CSF2RB: variants seen among roughly 807,000 people sequenced by gnomAD.
The protein encoded by CSF2RB is cytokine receptor common subunit beta.
Under a neutral mutation model 67.2 loss-of-function variants are expected in CSF2RB, and 22 were observed. The ratio of observed to expected loss-of-function variants is 0.33; its 90% CI spans 0.23 to 0.47. CSF2RB has a LOEUF of 0.47. CSF2RB is among the 20% of genes least tolerant of loss of function. The pLI is 1.00. For synonymous variants in CSF2RB, 507 were observed against 482.9 expected (o/e 1.05, Z -0.65); for missense variants, 1,113 against 1,174.5 (o/e 0.95, Z 0.76).
chr22:36,935,829 G>C, intron 12 of CSF2RB, 142 bp downstream of exon 12: 1 of 924,598 alleles, frequency 1.1e-6, no homozygotes, highest in South Asian at 1.5e-5. Flanking sequence ...TTTGGGAGTG[G>C]GGCCAGCACT....
chr22:36,918,052 C>T (rs1388476763), intron 1 of CSF2RB, among the ~76,000 whole-genome samples: 3 of 152,114 alleles, frequency 2.0e-5, no homozygotes, highest in African/African-American at 7.2e-5. Flanking sequence ...TTCCATTCTC[C>T]ACCCCAGCCT....
At chr22:36,922,479 A>T in intron 2 of CSF2RB, 196 bp downstream of exon 2, 1 of 616,150 alleles carries the variant, frequency 1.6e-6, no homozygotes, top group Admixed American at 2.6e-5. Context: ...TGTCTTGGAA[A>T]GTCCAGCTGA....
chr22:36,924,123 C>A (rs1314493500), intron 3 of CSF2RB, among the ~76,000 whole-genome samples: 1 of 152,008 alleles, frequency 6.6e-6, no homozygotes, highest in Admixed American at 6.5e-5. Flanking sequence ...CCCACCCCTC[C>A]ACCGCCTTCA....
chr22:36,920,595 T>C (rs1199597026), intron 1 of CSF2RB, among the ~76,000 whole-genome samples: 4 of 152,230 alleles, frequency 2.6e-5, no homozygotes, highest in Non-Finnish European at 4.4e-5. Context: ...GATGAGTACA[T>C]TGGTGCAAAG....
chr22:36,930,517 A>G lies in CSF2RB; in HGVS notation c.854+7A>G. On this transcript the variant is annotated splice_region_variant and intron_variant, in intron 7 of 13. Transcript: ENST00000403662. The stretch of plus-strand genomic sequence containing the variant: ...AGCCCAGCCCAGATGCAGGGTGAGC[A>G]TCTTTTTTCTCCATCCCCTCCCCTC... 6.2e-7 allele frequency: 1 copy of G among 1,613,150 alleles called. No individual in the cohort carries two copies. Among genetic ancestry groups the G allele is most frequent in the Admixed American group, 1.7e-5 (1 of 60,004 alleles).
At position 36,939,396 on chromosome 22, in the gene CSF2RB, C is replaced by T; in HGVS notation, c.*894C>T. The T allele has an allele frequency of 1.6e-6, 1 of 625,880 alleles. No homozygotes were observed. Among genetic ancestry groups the T allele is most frequent in the South Asian group, 1.8e-5 (1 of 55,690 alleles). The allele number at this position is 625,880 out of a possible 1,614,324, so 38.8% of individuals were successfully genotyped here. A position where few individuals can be genotyped will look rare whatever the true frequency, so the allele number is the denominator to read the frequency against. ...CCCAAAGGCATATATGCTTTAGGGC[C>T]TTTGGTCCAAATGGCCCGGGTGGCC... is the stretch of plus-strand genomic sequence containing the variant. On this transcript the variant is annotated 3_prime_UTR_variant, in exon 14 of 14. Coordinates refer to ENST00000403662, the MANE Select transcript of CSF2RB (RefSeq NM_000395.3).
At position 36,935,433 on chromosome 22, in the gene CSF2RB, C is replaced by T. The variant is rs367771170; in HGVS notation, c.1398C>T (p.Tyr466=). Residue 466 remains tyrosine, a synonymous_variant, in exon 11 of 14, where the codon TAC becomes TAT. Transcript: ENST00000403662. The part of the protein sequence containing the change: ...VLLALRFCGI[Y]GYRLRRKWEE... The stretch of plus-strand genomic sequence containing the variant: ...TGGCCCTCCGCTTCTGTGGCATCTA[C>T]GGGTACAGGTGAGGGGACTCTGTGG... 5.6e-5 allele frequency: 90 copies of T among 1,614,010 alleles called. No homozygotes were observed. The Admixed American group carries it at 5.7e-4, about 10-fold the overall frequency.
At chr22:36,924,812 GCC>G (rs1029437366) in intron 3 of CSF2RB, among the ~76,000 whole-genome samples, 2 of 152,038 alleles carry the variant, frequency 1.3e-5, no homozygotes, top group Admixed American at 1.3e-4. Flanking sequence ...CTCACCCAGT[GCC>G]CCCGGGGCCC....
At chr22:36,933,768 G>C in intron 9 of CSF2RB, 64 bp from the exon 10 acceptor site, 1 of 1,549,092 alleles carries the variant, frequency 6.5e-7, no homozygotes. Flanking sequence ...GGTCCAGGTG[G>C]GAGGGATTTG....
In CSF2RB at chr22:36,940,175, G is replaced by A. The variant is rs1011121135; in HGVS notation, c.*1673G>A. The A allele has an allele frequency of 2.0e-5, 3 of 152,162 alleles. No homozygotes were observed. The highest frequency in any genetic ancestry group is 4.4e-5 in the Non-Finnish European group (3 of 68,030). The allele number at this position is 152,162 out of a possible 1,614,324, so 9.4% of individuals were successfully genotyped here. On this transcript the variant is annotated 3_prime_UTR_variant, in exon 14 of 14. Transcript: ENST00000403662. Reference sequence around the variant, plus strand: ...CTTTTATGATATGTTTTCATAAGTGGTTAAGCAAGTATTCTCGTTACTTTT... The same window carrying A: ...CTTTTATGATATGTTTTCATAAGTGATTAAGCAAGTATTCTCGTTACTTTT...
rs186445757 is a variant in CSF2RB, at chr22:36,935,702, C to A, written c.1464+15C>A. Reference sequence around the variant, plus strand: ...ACCTGTTCCAGGTAGGAACTGGCTGCGAGGGGCGGAGTGGGGGCTTCTCTG... The same window carrying A: ...ACCTGTTCCAGGTAGGAACTGGCTGAGAGGGGCGGAGTGGGGGCTTCTCTG... On this transcript the variant is annotated intron_variant, in intron 12 of 13. Transcript: ENST00000403662. 6.8e-6 allele frequency: 11 copies of A among 1,611,780 alleles called. No individual in the cohort carries two copies. In the South Asian group the frequency reaches 1.1e-4, roughly 16 times the overall value.
chr22:36,936,435 A>C, intron 12 of CSF2RB, 114 bp from the exon 13 acceptor site: 1 of 819,468 alleles, frequency 1.2e-6, no homozygotes. Context: ...AGAAGTGGAG[A>C]TTCTTCTCTT....
At chr22:36,936,688 GTT>G (rs765368089) in intron 13 of CSF2RB, 36 bp downstream of exon 13, 1 of 1,555,146 alleles carries the variant, frequency 6.4e-7, no homozygotes, top group Admixed American at 1.7e-5. Context: ...GACCTTTGGG[GTT>G]CATACGGGGG....
rs1941307136 is a variant in CSF2RB, at chr22:36,937,951, G to A, written c.2143G>A (p.Ala715Thr). 1 of 1,614,174 alleles carries A rather than the reference G, an allele frequency of 6.2e-7. No homozygotes were observed. The highest frequency in any genetic ancestry group is 1.3e-5 in the African/African-American group (1 of 75,042). ...PGVASGYVSS[A>T]DLVFTPNSGA... ...AGTGGCCTCTGGTTATGTCTCCTCTGCAGACCTGGTATTCACCCCAAACTC... is the reference window on the plus strand; with the variant it reads ...AGTGGCCTCTGGTTATGTCTCCTCTACAGACCTGGTATTCACCCCAAACTC... The change falls in exon 14 of 14, where the codon GCA (alanine) becomes ACA (threonine). Residue 715 changes from alanine to threonine, a missense_variant. This residue lies in a region of CSF2RB where 554 missense variants were observed against 517.9 expected (regional missense o/e 1.07). Transcript: ENST00000403662. This position sits in a 1 kb window ranked among gnomAD's most constrained non-coding sequence, Gnocchi z 4.6.
At position 36,922,221 on chromosome 22, in the gene CSF2RB, A is replaced by C; in HGVS notation, c.14A>C (p.Gln5Pro). Residue 5 changes from glutamine to proline, a missense_variant, in exon 2 of 14, where the codon CAG becomes CCG. Transcript: ENST00000403662. ...CTGACCAGGGAGATGGTGCTGGCCC[A>C]GGGGCTGCTCTCCATGGCCCTGCTG... MVLA[Q>P]GLLSMALLAL... The C allele has an allele frequency of 6.3e-7, 1 of 1,589,930 alleles. No individual in the cohort carries two copies. Among genetic ancestry groups the C allele is most frequent in the South Asian group, 1.1e-5 (1 of 87,240 alleles).
In CSF2RB at chr22:36,932,848, G is replaced by A. The variant is rs146404001; in HGVS notation, c.1096G>A (p.Glu366Lys). The change falls in exon 9 of 14, where the codon GAA (glutamate) becomes AAA (lysine). Residue 366 changes from glutamate to lysine, a missense_variant. Transcript: ENST00000403662. ...LRWETMKMRY[E>K]HIDHTFEIQY... ...CTGGGAAACAATGAAAATGCGATAC[G>A]AACACATAGACCACACATTTGAGAT... 1.1e-4 allele frequency: 170 copies of A among 1,614,160 alleles called. No homozygotes were observed. The highest frequency in any genetic ancestry group is 1.4e-4 in the Non-Finnish European group (161 of 1,180,030).
intron 10 of CSF2RB, 89 bp from the exon 11 acceptor site, chr22:36,935,261 TA>T (rs1941241747): frequency 1.6e-6 from 2 of 1,215,822 alleles, no homozygotes; most frequent in African/African-American, 1.5e-5. Flanking sequence ...AGCGGGGTCT[TA>T]AGGAATACTG....
chr22:36,918,928 C>T (rs1940786434), intron 1 of CSF2RB, among the ~76,000 whole-genome samples: 1 of 152,146 alleles, frequency 6.6e-6, no homozygotes, highest in Non-Finnish European at 1.5e-5. Context: ...GCTATCACCT[C>T]CAAGTTGCAG....
At chr22:36,934,789 G>A (rs1477242844) in intron 10 of CSF2RB, among the ~76,000 whole-genome samples, 2 of 152,214 alleles carry the variant, frequency 1.3e-5, no homozygotes, top group Admixed American at 1.3e-4. Flanking sequence ...GCCAGGCTTG[G>A]TAGCGGCAGG....
Sources: allele counts gnomAD v4.1 joint callset (sites outside exome capture counted in the v4.1 genomes callset), GRCh38; gene constraint gnomAD v4.1.1; regional missense constraint gnomAD v4.1.1; non-coding constraint Gnocchi (gnomAD v3.1); transcripts MANE v1.5; gene names NCBI Gene and HGNC (gene_info 2026-07-23, HGNC 2026-07-21).